NAV2: variants seen among roughly 807,000 people sequenced by gnomAD.
The protein encoded by NAV2 is neuron navigator 2.
Under a neutral mutation model 223.2 loss-of-function variants are expected in NAV2, and 54 were observed. The observed-to-expected ratio is 0.24, with a 90% CI of 0.19 to 0.30. The LOEUF is 0.30. Ranked by LOEUF, NAV2 falls within the 10% of genes least tolerant of loss-of-function variation. The pLI is 1.00. For missense variants in NAV2, 2,806 were observed against 3,147.5 expected (o/e 0.89, Z 2.60); for synonymous variants, 1,279 against 1,239.3 (o/e 1.03, Z -0.67).
chr11:19,748,340 T>C (rs1212129695), intron 1 of NAV2, among the ~76,000 whole-genome samples: 1 of 152,182 alleles, frequency 6.6e-6, no homozygotes, highest in East Asian at 1.9e-4. Flanking sequence ...CTTACTGTGA[T>C]GTGAAGGCAC....
intron 1 of NAV2, among the ~76,000 whole-genome samples, chr11:19,693,018 A>T (rs2049225564): frequency 6.6e-6 from 1 of 152,252 alleles, no homozygotes; most frequent in African/African-American, 2.4e-5. Context: ...CCTGACCAAG[A>T]CCTTCTCTCC....
At chr11:19,911,378 C>G (rs1425443989) in intron 6 of NAV2, among the ~76,000 whole-genome samples, 4 of 152,042 alleles carry the variant, frequency 2.6e-5, no homozygotes, top group Non-Finnish European at 4.4e-5. Context: ...AACAGCGTGT[C>G]CAAAGTCTAG....
At chr11:19,906,201 G>A (rs2042854551) in intron 6 of NAV2, among the ~76,000 whole-genome samples, 1 of 152,110 alleles carries the variant, frequency 6.6e-6, no homozygotes, top group Admixed American at 6.5e-5. Context: ...CCAGCAGTCT[G>A]GTCTAAGCTA....
At chr11:19,581,236 G>A (rs2045707708) in intron 1 of NAV2, among the ~76,000 whole-genome samples, 1 of 152,108 alleles carries the variant, frequency 6.6e-6, no homozygotes, top group Non-Finnish European at 1.5e-5. Flanking sequence ...TTTCTTTAAA[G>A]TATTCTTAGC....
intron 1 of NAV2, among the ~76,000 whole-genome samples, chr11:19,523,299 C>G (rs2043732780): frequency 6.6e-6 from 1 of 152,194 alleles, no homozygotes; most frequent in South Asian, 2.1e-4. Flanking sequence ...GTTCCCTTGA[C>G]CAGGAAAGCC....
chr11:19,790,282 C>T (rs545882046), intron 1 of NAV2, among the ~76,000 whole-genome samples: 255 of 152,326 alleles, frequency 1.7e-3, no homozygotes, highest in Non-Finnish European at 3.2e-3. Flanking sequence ...TGCAAGTTTT[C>T]AAGACAGAGT....
At chr11:19,922,486 A>G (rs1349950691) in intron 6 of NAV2, among the ~76,000 whole-genome samples, 1 of 151,998 alleles carries the variant, frequency 6.6e-6, no homozygotes, top group East Asian at 1.9e-4. Flanking sequence ...AACTCTATTA[A>G]CACCTGCTTT....
chr11:19,825,407 A>G (rs1363360441), intron 1 of NAV2, among the ~76,000 whole-genome samples: 2 of 150,652 alleles, frequency 1.3e-5, no homozygotes, highest in Middle Eastern at 3.2e-3. Flanking sequence ...CAATCAATCC[A>G]CTGGAAATGC....
intron 1 of NAV2, among the ~76,000 whole-genome samples, chr11:19,531,866 A>G (rs571162329): frequency 1.3e-5 from 2 of 152,362 alleles, no homozygotes; most frequent in South Asian, 4.1e-4. Context: ...ATACACTGCA[A>G]CTTCAGAGAT....
chr11:19,790,063 C>A (rs1002769300), intron 1 of NAV2, among the ~76,000 whole-genome samples: 2 of 152,186 alleles, frequency 1.3e-5, no homozygotes, highest in African/African-American at 4.8e-5. Flanking sequence ...AACCAAGGAT[C>A]TGGTAAATTG....
At chr11:19,936,150 T>A (rs1435842180) in intron 7 of NAV2, among the ~76,000 whole-genome samples, 3 of 152,006 alleles carry the variant, frequency 2.0e-5, no homozygotes, top group African/African-American at 7.2e-5. Flanking sequence ...ATTACAGGCA[T>A]GAGCCACCGC....
intron 11 of NAV2, among the ~76,000 whole-genome samples, chr11:19,984,670 C>T (rs2050609800): frequency 1.3e-5 from 2 of 152,262 alleles, no homozygotes; most frequent in Admixed American, 1.3e-4. Flanking sequence ...GCAGCCTTCA[C>T]CAAAAAGCCT....
intron 4 of NAV2, among the ~76,000 whole-genome samples, chr11:19,875,427 A>G (rs1205038042): frequency 6.6e-6 from 1 of 152,210 alleles, no homozygotes; most frequent in East Asian, 1.9e-4. Flanking sequence ...CCAAAAGTGA[A>G]AAACAGAATG....
chr11:19,792,641 G>C (rs1255856225), intron 1 of NAV2, among the ~76,000 whole-genome samples: 1 of 152,142 alleles, frequency 6.6e-6, no homozygotes, highest in East Asian at 1.9e-4. Flanking sequence ...CTGGATGCAG[G>C]CTCTGGTTTA....
intron 3 of NAV2, among the ~76,000 whole-genome samples, chr11:19,857,132 T>G (rs1270282975): frequency 6.6e-6 from 1 of 152,232 alleles, no homozygotes; most frequent in Non-Finnish European, 1.5e-5. Context: ...GTCTAGTGCT[T>G]CTTCCAAAAC....
At chr11:19,787,376 A>G (rs2057208472) in intron 1 of NAV2, among the ~76,000 whole-genome samples, 1 of 143,110 alleles carries the variant, frequency 7.0e-6, no homozygotes, top group Admixed American at 7.6e-5. Context: ...TCAGCCTCCT[A>G]AAGTGTTGGG....
chr11:19,349,435 G>A (rs1853172868), upstream of NAV2, among the ~76,000 whole-genome samples: 1 of 152,162 alleles, frequency 6.6e-6, no homozygotes, highest in South Asian at 2.1e-4. Flanking sequence ...GATAGGGGAT[G>A]GCTTCGGCCT....
intron 1 of NAV2, among the ~76,000 whole-genome samples, chr11:19,427,237 G>C (rs1474191590): frequency 6.6e-6 from 1 of 152,218 alleles, no homozygotes; most frequent in Admixed American, 6.5e-5. Context: ...TGCAGAAAGA[G>C]GATGGCAATA....
chr11:19,969,552 G>A (rs1043798006), intron 10 of NAV2, among the ~76,000 whole-genome samples: 1 of 151,966 alleles, frequency 6.6e-6, no homozygotes. Flanking sequence ...GCCTGAAACT[G>A]CAGACTGTGC....
Sources: gnomAD v4.1 joint callset for allele counts (sites outside exome capture counted in the v4.1 genomes callset) on GRCh38, gnomAD v4.1.1 for gene constraint, MANE v1.5 for transcripts, NCBI Gene and HGNC (gene_info 2026-07-23, HGNC 2026-07-21) for gene names.